The following CNTNAP2 variants were observed in gnomAD, a reference collection of about 807,000 sequenced individuals.
CNTNAP2 encodes contactin-associated protein-like 2.
Under a neutral mutation model 155.2 loss-of-function variants are expected in CNTNAP2, and 98 were observed. That is an observed-to-expected ratio of 0.63 (90% CI 0.54 to 0.75). CNTNAP2 has a LOEUF of 0.75. Ranked by LOEUF, CNTNAP2 falls within the 30% of genes least tolerant of loss-of-function variation. CNTNAP2 has a pLI of 0.00. For missense variants in CNTNAP2, 1,727 were observed against 1,688.1 expected, an observed-to-expected ratio of 1.02 and a Z score of -0.40; for synonymous variants, 651 against 631.2, an observed-to-expected ratio of 1.03 and a Z score of -0.47.
chr7:146,666,512 C>T (rs1269017721), intron 1 of CNTNAP2, among the ~76,000 whole-genome samples: 1 of 152,096 alleles, frequency 6.6e-6, no homozygotes, highest in Non-Finnish European at 1.5e-5. Flanking sequence ...TGGGTAAATG[C>T]CAAGTAGTGG....
At chr7:148,062,028 A>AGT (rs199528714) in intron 15 of CNTNAP2, among the ~76,000 whole-genome samples, 1,922 of 105,774 alleles carry the variant, frequency 0.018, 48 homozygotes, top group Non-Finnish European at 0.025. Context: ...AGAGAGAGAG[A>AGT]GTGTGTGTGT....
At chr7:146,940,298 C>T (rs924044929) in intron 3 of CNTNAP2, among the ~76,000 whole-genome samples, 3 of 151,946 alleles carry the variant, frequency 2.0e-5, no homozygotes, top group African/African-American at 7.2e-5. Context: ...CTCTGCCTCC[C>T]GAGTTCTCTT....
intron 1 of CNTNAP2, among the ~76,000 whole-genome samples, chr7:146,702,018 C>T (rs1003731456): frequency 2.0e-5 from 3 of 152,152 alleles, no homozygotes; most frequent in Non-Finnish European, 2.9e-5. Flanking sequence ...ATTTTGAAGA[C>T]ATGCAGCTAT....
intron 11 of CNTNAP2, among the ~76,000 whole-genome samples, chr7:147,507,989 C>T (rs1206087156): frequency 1.3e-5 from 2 of 152,118 alleles, no homozygotes; most frequent in Non-Finnish European, 2.9e-5. Context: ...AGTAGTGGTG[C>T]TCTCCAGCTG....
At chr7:147,608,764 G>A (rs147593076) in intron 12 of CNTNAP2, among the ~76,000 whole-genome samples, 1 of 152,198 alleles carries the variant, frequency 6.6e-6, no homozygotes, top group Admixed American at 6.5e-5. Context: ...GAGCAGCAAG[G>A]CTGTTTATTT....
At chr7:146,445,494 C>A (rs1796389847) in intron 1 of CNTNAP2, among the ~76,000 whole-genome samples, 1 of 152,082 alleles carries the variant, frequency 6.6e-6, no homozygotes, top group African/African-American at 2.4e-5. Context: ...AGAGTTTTTC[C>A]AGATCAGTGG....
At chr7:148,387,620 T>C (rs1799242240) in intron 22 of CNTNAP2, among the ~76,000 whole-genome samples, 1 of 152,154 alleles carries the variant, frequency 6.6e-6, no homozygotes, top group Non-Finnish European at 1.5e-5. Context: ...ACTGACTAAA[T>C]CAGCATTCGT....
In CNTNAP2 at chr7:146,779,636, C is replaced by T. The variant is rs1183289849; in HGVS notation, c.208+5255C>T. 4.6e-5 allele frequency among the ~76,000 whole-genome samples: 7 copies of T among 152,308 alleles called. No individual in the cohort carries two copies. In the South Asian group the frequency reaches 1.5e-3, roughly 32 times the overall value. ...AATAATTTTCTTTCTTTTCACCTTC[C>T]TGCCACTGATTTTTACTTAGTAGAT... is the stretch of plus-strand genomic sequence containing the variant. On this transcript the variant is annotated intron_variant, in intron 2 of 23. Transcript: ENST00000361727.
chr7:147,455,129 T>A (rs1797898762), intron 10 of CNTNAP2, among the ~76,000 whole-genome samples: 1 of 152,178 alleles, frequency 6.6e-6, no homozygotes, highest in South Asian at 2.1e-4. Flanking sequence ...ACACCATATC[T>A]GAAAGTAGAA....
rs141721418 is a variant in CNTNAP2 at position 147,866,689 on chromosome 7, G to T, written c.2099-36876G>T. Among the ~76,000 whole-genome samples, 1,369 of 151,646 alleles carry T rather than the reference G, an allele frequency of 9.0e-3. 24 individuals are homozygous for T. The highest frequency in any genetic ancestry group is 0.032 in the African/African-American group (1,304 of 41,390). On this transcript the variant is annotated intron_variant, in intron 13 of 23. Coordinates refer to ENST00000361727, the MANE Select transcript of CNTNAP2 (RefSeq NM_014141.6). ...TTACCATTATGAAATGGCCTTCTTT[G>T]CCTCTTTTGATCTTTGTTGGTTTAA... is the stretch of plus-strand genomic sequence containing the variant.
chr7:147,701,424 TA>T (rs1328062786), intron 13 of CNTNAP2, among the ~76,000 whole-genome samples: 2 of 152,186 alleles, frequency 1.3e-5, no homozygotes, highest in Non-Finnish European at 2.9e-5. Context: ...ATACAGCCAA[TA>T]AAAGCCATAA....
intron 1 of CNTNAP2, among the ~76,000 whole-genome samples, chr7:146,734,924 ATTT>A (rs1801585712): frequency 6.6e-6 from 1 of 152,166 alleles, no homozygotes; most frequent in Non-Finnish European, 1.5e-5. Flanking sequence ...CACAAAATCT[ATTT>A]TTATTTTCTG....
chr7:148,073,457 A>G (rs1197369953), intron 15 of CNTNAP2, among the ~76,000 whole-genome samples: 1 of 152,232 alleles, frequency 6.6e-6, no homozygotes, highest in Non-Finnish European at 1.5e-5. Flanking sequence ...CCATCCCACC[A>G]GAGACTTGAA....
chr7:146,402,785 T>C (rs1795732228), intron 1 of CNTNAP2, among the ~76,000 whole-genome samples: 2 of 152,142 alleles, frequency 1.3e-5, no homozygotes, highest in African/African-American at 2.4e-5. Context: ...ACTTAAAACT[T>C]TGGCAGATTT....
At chr7:146,406,044 C>A (rs1278478218) in intron 1 of CNTNAP2, among the ~76,000 whole-genome samples, 1 of 152,168 alleles carries the variant, frequency 6.6e-6, no homozygotes, top group East Asian at 1.9e-4. Context: ...GAGCAAATCA[C>A]AATTCCTGTC....
chr7:146,398,744 A>G (rs1795670914), intron 1 of CNTNAP2, among the ~76,000 whole-genome samples: 1 of 152,094 alleles, frequency 6.6e-6, no homozygotes, highest in African/African-American at 2.4e-5. Context: ...TCTCTGTGAA[A>G]AGTCAACCCT....
In CNTNAP2 at chr7:148,182,235, G is replaced by A. The variant is rs186475462; in HGVS notation, c.3010+9757G>A. On this transcript the variant is annotated intron_variant, in intron 18 of 23. Transcript: ENST00000361727. ...ACTCTTTATCTTTTCCCACATATTAGCTCCATGACTTGAGCTGAAACTCTA... is the reference window on the plus strand; with the variant it reads ...ACTCTTTATCTTTTCCCACATATTAACTCCATGACTTGAGCTGAAACTCTA... 3.2e-3 allele frequency among the ~76,000 whole-genome samples: 487 copies of A among 152,228 alleles called. 4 individuals carry two copies. Among genetic ancestry groups the A allele is most frequent in the Non-Finnish European group, 5.9e-3 (401 of 68,010 alleles).
At chr7:146,343,077 GTTGTTTTTTTT>G (rs1033488457) in intron 1 of CNTNAP2, among the ~76,000 whole-genome samples, 68 of 151,428 alleles carry the variant, frequency 4.5e-4, no homozygotes, top group African/African-American at 1.4e-3. Flanking sequence ...GGTAAAGAAG[GTTGTTTTTTTT>G]TTGTTTGTTT....
At chr7:147,815,425 A>G (rs1340596575) in intron 13 of CNTNAP2, among the ~76,000 whole-genome samples, 3 of 151,758 alleles carry the variant, frequency 2.0e-5, no homozygotes, top group Non-Finnish European at 4.4e-5. Flanking sequence ...GGCTGTCAAC[A>G]GGGAACCAGC....
Sources: allele counts gnomAD v4.1 joint callset (sites outside exome capture counted in the v4.1 genomes callset), GRCh38; gene constraint gnomAD v4.1.1; transcripts MANE v1.5; gene names NCBI Gene and HGNC (gene_info 2026-07-23, HGNC 2026-07-21).